Variants in GALNT13 observed in about 807,000 individuals in gnomAD.
GALNT13 encodes the protein polypeptide N-acetylgalactosaminyltransferase 13.
Under a neutral mutation model 64.2 loss-of-function variants are expected in GALNT13, and 28 were observed. The ratio of observed to expected loss-of-function variants is 0.44; its 90% CI spans 0.32 to 0.60. The LOEUF is 0.60. GALNT13 is among the 20% of genes least tolerant of loss of function. The pLI is 0.05. For missense variants in GALNT13, 577 were observed against 669.8 expected, an observed-to-expected ratio of 0.86 and a Z score of 1.53; for synonymous variants, 214 against 224.6, an observed-to-expected ratio of 0.95 and a Z score of 0.42.
intron 11 of GALNT13, among the ~76,000 whole-genome samples, chr2:154,412,015 C>A (rs1699818005): frequency 6.6e-6 from 1 of 151,686 alleles, no homozygotes; most frequent in African/African-American, 2.4e-5. Context: ...GATCCATTGC[C>A]ATTAATTAGC....
chr2:154,128,603 T>C (rs1038951658), intron 3 of GALNT13, among the ~76,000 whole-genome samples: 6 of 152,092 alleles, frequency 3.9e-5, no homozygotes, highest in Admixed American at 1.3e-4. Context: ...GTCAATAAAA[T>C]GTTGGAATGT....
intron 12 of GALNT13, among the ~76,000 whole-genome samples, chr2:154,448,312 T>C (rs1359872579): frequency 6.6e-6 from 1 of 152,066 alleles, no homozygotes; most frequent in Non-Finnish European, 1.5e-5. Context: ...TTAACATTTT[T>C]ACCCTTTCAA....
At chr2:154,436,945 C>G (rs1334235453) in intron 11 of GALNT13, 1 of 152,142 alleles carries the variant, frequency 6.6e-6, no homozygotes, top group Non-Finnish European at 1.5e-5. Flanking sequence ...TGCTCTGTCA[C>G]CCAGACTGAG....
intron 9 of GALNT13, among the ~76,000 whole-genome samples, chr2:154,345,560 G>A (rs1348703659): frequency 1.3e-5 from 2 of 152,062 alleles, no homozygotes; most frequent in Admixed American, 6.6e-5. Context: ...AAATTTAAAT[G>A]TAATTATTCG....
At chr2:154,069,097 G>A (rs1700613937) in intron 3 of GALNT13, among the ~76,000 whole-genome samples, 1 of 151,790 alleles carries the variant, frequency 6.6e-6, no homozygotes, top group South Asian at 2.1e-4. Context: ...TCTTTAGAGG[G>A]CCAAAAGGAA....
the GALNT13 span, among the ~76,000 whole-genome samples, chr2:153,831,210 G>C: frequency 5.9e-5 from 9 of 151,978 alleles, no homozygotes; most frequent in African/African-American, 2.2e-4. Context: ...TCAAATTTCA[G>C]TTCAACTTAA....
At chr2:153,675,392 C>T in the GALNT13 span, among the ~76,000 whole-genome samples, 2 of 152,054 alleles carry the variant, frequency 1.3e-5, no homozygotes, top group Admixed American at 6.6e-5. Flanking sequence ...TATGTCTTTG[C>T]AGGGACATGA....
At chr2:153,785,887 G>T in the GALNT13 span, among the ~76,000 whole-genome samples, 5 of 152,202 alleles carry the variant, frequency 3.3e-5, no homozygotes, top group Non-Finnish European at 7.4e-5. Flanking sequence ...GTTTGGTCCT[G>T]ACCTCCAGCA....
chr2:153,800,437 C>A, the GALNT13 span, among the ~76,000 whole-genome samples: 1 of 152,080 alleles, frequency 6.6e-6, no homozygotes, highest in South Asian at 2.1e-4. Context: ...GCTGTGAAAA[C>A]TTCTTAAAAT....
the GALNT13 span, among the ~76,000 whole-genome samples, chr2:153,438,473 T>A: frequency 6.6e-6 from 1 of 152,228 alleles, no homozygotes; most frequent in Non-Finnish European, 1.5e-5. Flanking sequence ...CAATCAGATG[T>A]AGATTTGGTC....
the GALNT13 span, among the ~76,000 whole-genome samples, chr2:153,351,653 C>G: frequency 2.6e-5 from 4 of 152,320 alleles, no homozygotes; most frequent in East Asian, 7.7e-4. Flanking sequence ...CAACTACTAT[C>G]TTTTCATTGT....
chr2:153,381,084 A>G, the GALNT13 span, among the ~76,000 whole-genome samples: 1 of 151,842 alleles, frequency 6.6e-6, no homozygotes, highest in African/African-American at 2.4e-5. Context: ...AGTAGCTGAG[A>G]CTTCAGGTGC....
chr2:153,774,911 A>AAAAT, the GALNT13 span, among the ~76,000 whole-genome samples: 1 of 152,222 alleles, frequency 6.6e-6, no homozygotes, highest in Non-Finnish European at 1.5e-5. Flanking sequence ...TCCTGTCTCT[A>AAAAT]CAAATTAAAA....
At chr2:153,830,846 T>C in the GALNT13 span, among the ~76,000 whole-genome samples, 1 of 152,158 alleles carries the variant, frequency 6.6e-6, no homozygotes, top group African/African-American at 2.4e-5. Flanking sequence ...TTAATGTTGC[T>C]CTTTATATGT....
At chr2:154,212,126 GAGA>G (rs1276258529) in intron 4 of GALNT13, among the ~76,000 whole-genome samples, 5 of 152,156 alleles carry the variant, frequency 3.3e-5, no homozygotes, top group African/African-American at 7.2e-5. Flanking sequence ...GAAAGAGAAT[GAGA>G]AGAAGTGGAG....
chr2:153,877,926 G>C (rs978362947), intron 1 of GALNT13, among the ~76,000 whole-genome samples: 1 of 152,122 alleles, frequency 6.6e-6, no homozygotes, highest in Admixed American at 6.5e-5. Context: ...ATGAGTAATA[G>C]TATGTTACTG....
chr2:154,348,167 G>A (rs1166827160), intron 9 of GALNT13, among the ~76,000 whole-genome samples: 1 of 152,078 alleles, frequency 6.6e-6, no homozygotes, highest in Non-Finnish European at 1.5e-5. Context: ...AAGTATTGGA[G>A]AGAGGCTTAT....
chr2:153,659,422 A>T, the GALNT13 span, among the ~76,000 whole-genome samples: 6 of 152,262 alleles, frequency 3.9e-5, no homozygotes, highest in Admixed American at 3.9e-4. Flanking sequence ...TGAGTAATAT[A>T]CTTTACCTTC....
chr2:153,403,294 T>G, the GALNT13 span, among the ~76,000 whole-genome samples: 1 of 151,668 alleles, frequency 6.6e-6, no homozygotes, highest in Non-Finnish European at 1.5e-5. Flanking sequence ...TTCTCAGATC[T>G]CCAGCTGCGT....
Sources: gnomAD v4.1 joint callset for allele counts (sites outside exome capture counted in the v4.1 genomes callset) on GRCh38, gnomAD v4.1.1 for gene constraint, MANE v1.5 for transcripts, NCBI Gene and HGNC (gene_info 2026-07-23, HGNC 2026-07-21) for gene names.